The following FHIT variants were observed in gnomAD, a reference collection of about 807,000 sequenced individuals.
FHIT encodes the protein fragile histidine triad diadenosine triphosphatase, also known as bis(5'-adenosyl)-triphosphatase.
FHIT carries 19 observed loss-of-function variants against 17.9 expected under a neutral mutation model. That is an observed-to-expected ratio of 1.06 (90% CI 0.74 to 1.56). The LOEUF (loss-of-function observed/expected upper bound fraction) is 1.56. FHIT is among the 40% of genes most tolerant of loss of function. The pLI is 0.00. For synonymous variants in FHIT, 81 were observed against 69.7 expected (o/e 1.16, Z -0.81); for missense variants, 248 against 189.2 (o/e 1.31, Z -1.82).
intron 3 of FHIT, among the ~76,000 whole-genome samples, chr3:60,972,987 G>C (rs1039855418): frequency 6.6e-6 from 1 of 152,076 alleles, no homozygotes; most frequent in Non-Finnish European, 1.5e-5. Context: ...ATCTGAAACA[G>C]ATTATAGCTA....
intron 4 of FHIT, among the ~76,000 whole-genome samples, chr3:60,598,544 G>C (rs951533604): frequency 9.2e-5 from 14 of 152,092 alleles, no homozygotes; most frequent in African/African-American, 3.4e-4. Flanking sequence ...GCAAAGAAAA[G>C]CAACTGCATT....
At chr3:60,549,804 A>G (rs900955631) in intron 4 of FHIT, among the ~76,000 whole-genome samples, 1 of 152,240 alleles carries the variant, frequency 6.6e-6, no homozygotes, top group African/African-American at 2.4e-5. Context: ...CTTCGTTAAA[A>G]GAATAAAACT....
intron 5 of FHIT, among the ~76,000 whole-genome samples, chr3:60,366,937 G>A (rs1382799726): frequency 6.6e-6 from 1 of 152,080 alleles, no homozygotes; most frequent in Non-Finnish European, 1.5e-5. Flanking sequence ...ATAGGTTGAG[G>A]CTATACCTAT....
At chr3:60,756,413 C>G (rs2042572666) in intron 4 of FHIT, among the ~76,000 whole-genome samples, 1 of 152,140 alleles carries the variant, frequency 6.6e-6, no homozygotes, top group Non-Finnish European at 1.5e-5. Context: ...CGATGCCAAA[C>G]GAAAAGCCTG....
At chr3:60,657,422 T>G (rs1559619044) in intron 4 of FHIT, among the ~76,000 whole-genome samples, 2 of 152,208 alleles carry the variant, frequency 1.3e-5, no homozygotes, top group Admixed American at 1.3e-4. Flanking sequence ...AATGCTGCAC[T>G]AAGGCAAAAT....
At chr3:59,862,050 C>T (rs1344438024) in intron 8 of FHIT, among the ~76,000 whole-genome samples, 2 of 151,964 alleles carry the variant, frequency 1.3e-5, no homozygotes, top group African/African-American at 4.8e-5. Context: ...TACAGTGTAC[C>T]CTGCCAGTAT....
At chr3:60,108,172 C>T (rs563628819) in intron 5 of FHIT, among the ~76,000 whole-genome samples, 1 of 152,282 alleles carries the variant, frequency 6.6e-6, no homozygotes, top group East Asian at 1.9e-4. Context: ...AAAGCTAATT[C>T]AATGTGTCCA....
intron 5 of FHIT, among the ~76,000 whole-genome samples, chr3:60,069,706 A>G (rs771021439): frequency 2.6e-5 from 4 of 152,172 alleles, no homozygotes; most frequent in African/African-American, 9.7e-5. Flanking sequence ...TCTGTGCCAT[A>G]AAGAGCATTC....
At chr3:60,515,310 A>G (rs2035110472) in intron 5 of FHIT, among the ~76,000 whole-genome samples, 1 of 152,158 alleles carries the variant, frequency 6.6e-6, no homozygotes, top group African/African-American at 2.4e-5. Context: ...CAGAACACAA[A>G]CAGCACCACT....
At chr3:61,001,302 C>A (rs1003275902) in intron 3 of FHIT, among the ~76,000 whole-genome samples, 1 of 152,152 alleles carries the variant, frequency 6.6e-6, no homozygotes, top group Non-Finnish European at 1.5e-5. Context: ...AAGTGGCACT[C>A]TCGGGCACTT....
chr3:59,987,024 AATATAAAAT>A lies in FHIT; in HGVS notation c.279+24338_279+24346del, dbSNP rs1194804819. Among the ~76,000 whole-genome samples, 9 of 117,488 alleles carry A rather than the reference AATATAAAAT, an allele frequency of 7.7e-5. No individual in the cohort carries two copies. In the South Asian group the frequency reaches 2.3e-3, roughly 30 times the overall value. 77.1% of individuals were successfully genotyped at this position (117,488 alleles called of 152,430 possible). On this transcript the variant is annotated intron_variant, in intron 7 of 9. Transcript: ENST00000492590. ...ATATATTAAAAAATAAAAAAATAAAAATATAAAATATATAAAATATATAAAAATATAAAA... is the reference window on the plus strand; with the variant it reads ...ATATATTAAAAAATAAAAAAATAAAAATATAAAATATATAAAAATATAAAA...
intron 5 of FHIT, among the ~76,000 whole-genome samples, chr3:60,014,418 C>A (rs528627941): frequency 6.6e-6 from 1 of 152,174 alleles, no homozygotes; most frequent in Admixed American, 6.5e-5. Flanking sequence ...CAGACAGACT[C>A]AAGTGTATGG....
intron 5 of FHIT, among the ~76,000 whole-genome samples, chr3:60,436,133 T>G (rs2030216849): frequency 6.6e-6 from 1 of 152,042 alleles, no homozygotes; most frequent in African/African-American, 2.4e-5. Flanking sequence ...CTGCAACCTC[T>G]GCCTCCTGGG....
chr3:60,188,273 T>C (rs890570242), intron 5 of FHIT, among the ~76,000 whole-genome samples: 2 of 149,836 alleles, frequency 1.3e-5, no homozygotes, highest in Non-Finnish European at 3.0e-5. Context: ...CCTTCAAAAT[T>C]AGACATTTTC....
At chr3:59,979,054 T>A (rs372922156) in intron 7 of FHIT, among the ~76,000 whole-genome samples, 1 of 152,078 alleles carries the variant, frequency 6.6e-6, no homozygotes. Flanking sequence ...TTCTGTGAAA[T>A]TGTTAGGGTG....
chr3:60,447,581 T>A (rs1320285583), intron 5 of FHIT, among the ~76,000 whole-genome samples: 2 of 152,272 alleles, frequency 1.3e-5, no homozygotes, highest in East Asian at 3.9e-4. Context: ...AGTGTTATCA[T>A]TTGGAGTACT....
At chr3:60,966,029 C>A (rs1231995930) in intron 3 of FHIT, among the ~76,000 whole-genome samples, 1 of 152,176 alleles carries the variant, frequency 6.6e-6, no homozygotes, top group Non-Finnish European at 1.5e-5. Context: ...TATGCCCTGA[C>A]CCTAGAGGTG....
intron 8 of FHIT, among the ~76,000 whole-genome samples, chr3:59,918,499 T>C (rs1027236626): frequency 8.8e-6 from 1 of 113,744 alleles, no homozygotes; most frequent in African/African-American, 2.5e-5. Context: ...ATCCCAGAAC[T>C]TGAAGTTAAA....
intron 4 of FHIT, among the ~76,000 whole-genome samples, chr3:60,600,362 T>TGTCA (rs10641935): frequency 0.92 from 139,971 of 151,912 alleles, 64,606 homozygotes; most frequent in African/African-American, 0.98. Flanking sequence ...TTTTCATTTG[T>TGTCA]GTAAGAAAAA....
Sources: gnomAD v4.1 joint callset for allele counts (sites outside exome capture counted in the v4.1 genomes callset) on GRCh38, gnomAD v4.1.1 for gene constraint, MANE v1.5 for transcripts, NCBI Gene and HGNC (gene_info 2026-07-23, HGNC 2026-07-21) for gene names.